AGPAT5: variants seen among roughly 807,000 people sequenced by gnomAD.
AGPAT5 encodes the protein 1-acyl-sn-glycerol-3-phosphate acyltransferase epsilon.
In AGPAT5, 46 loss-of-function variants were observed where a neutral mutation model predicts 45.6. The observed-to-expected ratio is 1.01, with a 90% CI of 0.80 to 1.29. The LOEUF (loss-of-function observed/expected upper bound fraction) is 1.29, where lower values mean the gene tolerates loss of function less well. Among genes scored for constraint, AGPAT5 ranks in the 50% most tolerant of loss-of-function variants. AGPAT5 has a pLI of 0.00. For missense variants in AGPAT5, 673 were observed against 450.7 expected (o/e 1.49, Z -4.47); for synonymous variants, 272 against 167.0 (o/e 1.63, Z -4.85).
chr8:6,734,201 G>C (rs1800963365), intron 4 of AGPAT5, among the ~76,000 whole-genome samples: 1 of 150,714 alleles, frequency 6.6e-6, no homozygotes, highest in African/African-American at 2.4e-5. Flanking sequence ...TTATGTTTGT[G>C]TTGGTTCATT....
In AGPAT5 at chr8:6,718,729, G is replaced by T. The variant is rs181242755; in HGVS notation, c.220-6141G>T. 9.1e-4 allele frequency among the ~76,000 whole-genome samples: 138 copies of T among 152,298 alleles called. 1 individual carries two copies. The highest frequency in any genetic ancestry group is 7.2e-3 in the Admixed American group (110 of 15,290). ...TACTGCTGCCCTTTTAGCTTCATTT[G>T]CTGTTCAGACTAAACTTGGAGAGTA... On this transcript the variant is annotated intron_variant, in intron 1 of 7. Transcript: ENST00000285518.
rs945970238 is a variant in AGPAT5, at chr8:6,758,415, T to G, written c.*1027T>G. The G allele has an allele frequency of 1.3e-5, 2 of 152,706 alleles. No homozygotes were observed. The highest frequency in any genetic ancestry group is 1.5e-5 in the Non-Finnish European group (1 of 68,064). 9.5% of individuals were successfully genotyped at this position (152,706 alleles called of 1,614,324 possible). On this transcript the variant is annotated 3_prime_UTR_variant, in exon 8 of 8. Coordinates refer to ENST00000285518, the MANE Select transcript of AGPAT5 (RefSeq NM_018361.5). Reference sequence around the variant, plus strand: ...TCCCACTGGGCTCTGGTCCTTCCCTTGGATCCCGTCAGTGGTGCTGCTCAG... The same window carrying G: ...TCCCACTGGGCTCTGGTCCTTCCCTGGGATCCCGTCAGTGGTGCTGCTCAG...
In AGPAT5 at chr8:6,760,684, CAA is replaced by C. The variant is rs1448346915; in HGVS notation, c.*3297_*3298del. ...AGTTTTGCATGGCTTGCTTTATAAACAAGATTTTTTCTCCCTCCTTTTGGGCC... is the reference window on the plus strand; with the variant it reads ...AGTTTTGCATGGCTTGCTTTATAAACGATTTTTTCTCCCTCCTTTTGGGCC... On this transcript the variant is annotated 3_prime_UTR_variant, in exon 8 of 8. Coordinates refer to ENST00000285518, the MANE Select transcript of AGPAT5 (RefSeq NM_018361.5). 6.6e-6 allele frequency among the ~76,000 whole-genome samples: 1 copy of C among 152,150 alleles called. No homozygotes were observed. The highest frequency in any genetic ancestry group is 2.4e-5 in the African/African-American group (1 of 41,440).
At chr8:6,710,148 T>C (rs1489331546) in intron 1 of AGPAT5, among the ~76,000 whole-genome samples, 2 of 152,204 alleles carry the variant, frequency 1.3e-5, no homozygotes, top group Non-Finnish European at 2.9e-5. Flanking sequence ...ATTCTATCTG[T>C]GGCGGGTTAT....
intron 6 of AGPAT5, among the ~76,000 whole-genome samples, chr8:6,752,040 A>G (rs1801674058): frequency 6.6e-6 from 1 of 152,084 alleles, no homozygotes; most frequent in African/African-American, 2.4e-5. Flanking sequence ...AGCCGGGCAC[A>G]GTGGTAGGCA....
chr8:6,750,724 CT>C (rs34086600), intron 6 of AGPAT5, among the ~76,000 whole-genome samples: 10 of 146,848 alleles, frequency 6.8e-5, no homozygotes, highest in Non-Finnish European at 7.5e-5. Flanking sequence ...CAGGGGATAC[CT>C]TTTTTTTTTT....
In AGPAT5 at chr8:6,718,755, C is replaced by T. The variant is rs539354424; in HGVS notation, c.220-6115C>T. On this transcript the variant is annotated intron_variant, in intron 1 of 7. Transcript: ENST00000285518. ...CTGTTCAGACTAAACTTGGAGAGTA[C>T]AGTCAGTCAGAGAACTTGCTAGGCC... 5.9e-5 allele frequency among the ~76,000 whole-genome samples: 9 copies of T among 152,322 alleles called. No individual in the cohort carries two copies. In the South Asian group the frequency reaches 1.9e-3, roughly 32 times the overall value.
At chr8:6,742,831 C>A (rs1169458341) in intron 5 of AGPAT5, among the ~76,000 whole-genome samples, 2 of 152,156 alleles carry the variant, frequency 1.3e-5, no homozygotes, top group Admixed American at 1.3e-4. Flanking sequence ...AGGAGTGTTT[C>A]AGAATAGGAG....
chr8:6,727,536 C>T (rs571567780), intron 2 of AGPAT5, among the ~76,000 whole-genome samples: 12 of 152,228 alleles, frequency 7.9e-5, no homozygotes, highest in African/African-American at 2.9e-4. Context: ...CATGCACCAC[C>T]ACGCCTGGCT....
chr8:6,743,895 A>G (rs1025625686), intron 5 of AGPAT5, among the ~76,000 whole-genome samples: 2 of 152,120 alleles, frequency 1.3e-5, no homozygotes, highest in African/African-American at 2.4e-5. Context: ...GGCAAACCAG[A>G]TACCTAGAAT....
intron 1 of AGPAT5, among the ~76,000 whole-genome samples, chr8:6,717,615 A>G (rs1800372580): frequency 6.6e-6 from 1 of 152,266 alleles, no homozygotes; most frequent in Admixed American, 6.5e-5. Context: ...AAGGAGGAAT[A>G]CAACTGTGTC....
chr8:6,721,009 A>G (rs780926085), intron 1 of AGPAT5, among the ~76,000 whole-genome samples: 11 of 152,226 alleles, frequency 7.2e-5, no homozygotes, highest in Non-Finnish European at 1.2e-4. Flanking sequence ...GGCTTTGCTG[A>G]AGAAAGCAAA....
intron 1 of AGPAT5, among the ~76,000 whole-genome samples, chr8:6,716,005 C>G (rs951999641): frequency 2.6e-5 from 4 of 152,154 alleles, no homozygotes; most frequent in African/African-American, 4.8e-5. Flanking sequence ...TCTAGTCTAG[C>G]TTTTCCTTCT....
At chr8:6,709,342 G>A (rs1309744601) in intron 1 of AGPAT5, 2 of 173,996 alleles carry the variant, frequency 1.1e-5, no homozygotes, top group Non-Finnish European at 2.5e-5. Flanking sequence ...CTGGACAAGT[G>A]AAAGCTGGGC....
At chr8:6,733,803 G>A (rs1485492360) in intron 4 of AGPAT5, among the ~76,000 whole-genome samples, 1 of 152,228 alleles carries the variant, frequency 6.6e-6, no homozygotes, top group Non-Finnish European at 1.5e-5. Context: ...ATGGATGACT[G>A]CTGTGGAGTT....
intron 1 of AGPAT5, among the ~76,000 whole-genome samples, chr8:6,716,688 C>G (rs28680736): frequency 6.6e-6 from 1 of 152,004 alleles, no homozygotes; most frequent in Admixed American, 6.6e-5. Flanking sequence ...ACAAAATTAG[C>G]CGGGCGTGGT....
At chr8:6,740,127 G>C (rs1024442531) in intron 4 of AGPAT5, among the ~76,000 whole-genome samples, 1 of 152,086 alleles carries the variant, frequency 6.6e-6, no homozygotes, top group African/African-American at 2.4e-5. Flanking sequence ...CCTTCCTGCT[G>C]TCTGTCAATG....
At chr8:6,716,307 C>G (rs985925037) in intron 1 of AGPAT5, among the ~76,000 whole-genome samples, 1 of 151,914 alleles carries the variant, frequency 6.6e-6, no homozygotes, top group Non-Finnish European at 1.5e-5. Flanking sequence ...GCCTGTAATC[C>G]CAGCATTTTG....
intron 6 of AGPAT5, among the ~76,000 whole-genome samples, chr8:6,753,427 A>T (rs1310850935): frequency 3.9e-5 from 6 of 152,204 alleles, no homozygotes. Flanking sequence ...TGGTGTCGGA[A>T]TCTGTCTTTT....
Sources: gnomAD v4.1 joint callset for allele counts (sites outside exome capture counted in the v4.1 genomes callset) on GRCh38, gnomAD v4.1.1 for gene constraint, MANE v1.5 for transcripts, NCBI Gene and HGNC (gene_info 2026-07-23, HGNC 2026-07-21) for gene names.